GHRHR: variants seen among roughly 807,000 people sequenced by gnomAD.
The protein encoded by GHRHR is growth hormone releasing hormone receptor.
GHRHR carries 40 observed loss-of-function variants against 58.3 expected under a neutral mutation model. That is an observed-to-expected ratio of 0.69 (90% CI 0.53 to 0.89). The LOEUF is 0.89. GHRHR is among the 40% of genes least tolerant of loss of function. GHRHR has a pLI of 0.00. For synonymous variants in GHRHR, 249 were observed against 216.6 expected (o/e 1.15, Z -1.31); for missense variants, 551 against 541.3 (o/e 1.02, Z -0.18).
At chr7:30,974,393 G>C (rs1456369214) in intron 7 of GHRHR, 36 bp from the exon 8 acceptor site, 1 of 1,490,682 alleles carries the variant, frequency 6.7e-7, no homozygotes, top group East Asian at 2.3e-5. Context: ...CAAGGATGCA[G>C]ACTCCCTCGC....
chr7:30,966,560 C>T (rs1446644262), intron 1 of GHRHR, among the ~76,000 whole-genome samples: 2 of 152,130 alleles, frequency 1.3e-5, no homozygotes, highest in South Asian at 4.1e-4. Context: ...GCTCCCTTGT[C>T]CCCAGGTCCA....
At chr7:30,974,279 AG>A (rs1271649426) in intron 7 of GHRHR, 141 bp downstream of exon 7, 1 of 1,159,248 alleles carries the variant, frequency 8.6e-7, no homozygotes, top group Non-Finnish European at 1.3e-6. Flanking sequence ...CAAGTGTTGG[AG>A]GGTGGGACCA....
intron 11 of GHRHR, among the ~76,000 whole-genome samples, chr7:30,977,076 C>T (rs774099840): frequency 4.6e-5 from 7 of 152,190 alleles, no homozygotes; most frequent in East Asian, 3.8e-4. Flanking sequence ...GCCAACAGTA[C>T]AGCCCTGGCA....
rs1792446139 is a variant in GHRHR at position 30,969,901 on chromosome 7, G to A, written c.303G>A (p.Trp101Ter). ...AVKRDCTITG[W>*]SEPFPPYPVA... The stretch of plus-strand genomic sequence containing the variant: ...AACGGGATTGTACTATCACTGGCTG[G>A]TCTGAGCCCTTTCCACCTTACCCTG... Residue 101 changes from tryptophan to a stop codon, truncating the protein, a stop_gained, in exon 4 of 13, where the codon TGG becomes TGA. Transcript: ENST00000326139. LOFTEE classifies it high-confidence loss of function. 1 of 1,608,504 alleles carries A rather than the reference G, an allele frequency of 6.2e-7. No homozygotes were observed. Among genetic ancestry groups the A allele is most frequent in the African/African-American group, 1.3e-5 (1 of 74,820 alleles).
At chr7:30,969,774 C>G in intron 3 of GHRHR, 93 bp from the exon 4 acceptor site, 2 of 1,251,484 alleles carry the variant, frequency 1.6e-6, no homozygotes, top group Non-Finnish European at 2.4e-6. Context: ...CCATGCAAAC[C>G]CTGCCAGGGT....
At chr7:30,973,857 C>A in intron 6 of GHRHR, 128 bp from the exon 7 acceptor site, 1 of 893,014 alleles carries the variant, frequency 1.1e-6, no homozygotes, top group Non-Finnish European at 1.8e-6. Flanking sequence ...TTGGGTGGCC[C>A]AAGGAGCTGC....
At position 30,974,473 on chromosome 7, in the gene GHRHR, G is replaced by A. The variant is rs140869993; in HGVS notation, c.796G>A (p.Ala266Thr). ...TGGCACGTGGGTGAGCTGCAAACTGGCCTTCGAGGACATCGCGTGAGTCGG... is the reference window on the plus strand; with the variant it reads ...TGGCACGTGGGTGAGCTGCAAACTGACCTTCGAGGACATCGCGTGAGTCGG... Reference protein sequence around the residue: ...FTGTWVSCKLAFEDIACWDLD... With the variant: ...FTGTWVSCKLTFEDIACWDLD... Residue 266 changes from alanine (A) to threonine (T), a missense_variant, in exon 8 of 13, where the codon GCC becomes ACC. Transcript: ENST00000326139. The A allele has an allele frequency of 6.8e-6, 11 of 1,612,688 alleles. No homozygotes were observed. Among genetic ancestry groups the A allele is most frequent in the Admixed American group, 1.7e-5 (1 of 60,010 alleles).
intron 10 of GHRHR, 57 bp downstream of exon 10, chr7:30,975,925 T>A: frequency 1.0e-6 from 1 of 956,402 alleles, no homozygotes; most frequent in South Asian, 1.3e-5. Flanking sequence ...GGGGATTCAA[T>A]GTGTCTGTCT....
intron 1 of GHRHR, among the ~76,000 whole-genome samples, chr7:30,964,534 T>C (rs1400951519): frequency 6.6e-6 from 1 of 152,218 alleles, no homozygotes; most frequent in African/African-American, 2.4e-5. Context: ...GCACCTGTGA[T>C]GCTTCCACAC....
At chr7:30,969,440 G>C in intron 3 of GHRHR, 1 of 594,490 alleles carries the variant, frequency 1.7e-6, no homozygotes, top group African/African-American at 1.9e-5. Context: ...GCAGAAGCCT[G>C]GCTGCAAGGG....
In GHRHR at chr7:30,963,974, G is replaced by T; in HGVS notation, c.-95G>T. ...AGCCACCTGAGAAGGGGAAGCAGAGGGTGCGGTGGAAACGGCTGTGTCAGG... is the reference window on the plus strand; with the variant it reads ...AGCCACCTGAGAAGGGGAAGCAGAGTGTGCGGTGGAAACGGCTGTGTCAGG... On this transcript the variant is annotated 5_prime_UTR_variant, in exon 1 of 13. Transcript: ENST00000326139. 2.6e-6 allele frequency: 3 copies of T among 1,143,030 alleles called. No individual in the cohort carries two copies. Among genetic ancestry groups the T allele is most frequent in the South Asian group, 1.3e-5 (1 of 76,276 alleles). 70.8% of individuals were successfully genotyped at this position (1,143,030 alleles called of 1,614,324 possible).
chr7:30,966,650 T>TC (rs933705431), intron 1 of GHRHR, among the ~76,000 whole-genome samples: 2 of 151,556 alleles, frequency 1.3e-5, no homozygotes, highest in African/African-American at 4.9e-5. Flanking sequence ...TTGTTTTTTT[T>TC]TTGTTTTTCT....
At chr7:30,973,891 G>C in intron 6 of GHRHR, 94 bp from the exon 7 acceptor site, 2 of 1,261,714 alleles carry the variant, frequency 1.6e-6, no homozygotes, top group Non-Finnish European at 2.3e-6. Flanking sequence ...ACATGGAGGG[G>C]CCTGGAGGTT....
chr7:30,970,145 T>C (rs1479020666), intron 4 of GHRHR, among the ~76,000 whole-genome samples, 181 bp downstream of exon 4: 1 of 152,068 alleles, frequency 6.6e-6, no homozygotes, highest in Non-Finnish European at 1.5e-5. Context: ...TACTGAAGGG[T>C]GACCCACGGG....
At chr7:30,973,800 A>T (rs371676226) in intron 6 of GHRHR, among the ~76,000 whole-genome samples, 185 bp from the exon 7 acceptor site, 1 of 152,318 alleles carries the variant, frequency 6.6e-6, no homozygotes, top group African/African-American at 2.4e-5. Flanking sequence ...CTGTCTAGAT[A>T]CCAAATCTGT....
intron 8 of GHRHR, 70 bp from the exon 9 acceptor site, chr7:30,974,901 A>C: frequency 2.0e-6 from 2 of 979,894 alleles, no homozygotes; most frequent in Non-Finnish European, 1.7e-6. Flanking sequence ...TGAATGCCTG[A>C]GAGGGAGGTG....
intron 12 of GHRHR, 36 bp downstream of exon 12, chr7:30,977,358 C>G: frequency 6.3e-7 from 1 of 1,595,178 alleles, no homozygotes. Flanking sequence ...CATGGAGTCC[C>G]CCTCCCACCA....
chr7:30,969,869 G>A lies in GHRHR; in HGVS notation c.271G>A (p.Ala91Thr), dbSNP rs934536057. ...FFSHFSSESG[A>T]VKRDCTITGW... ...AGAGAGTCTTGCTTGCCTCCCAGGG[G>A]CTGTGAAACGGGATTGTACTATCAC... The change falls in exon 4 of 13, where the codon GCT (alanine) becomes ACT (threonine). Residue 91 changes from alanine to threonine, a missense_variant and splice_region_variant. By Grantham distance (58) the Ala-to-Thr change is moderately conservative (BLOSUM62 0). Transcript: ENST00000326139. The A allele has an allele frequency of 6.2e-7, 1 of 1,613,690 alleles. No individual in the cohort carries two copies. Among genetic ancestry groups the A allele is most frequent in the Admixed American group, 1.7e-5 (1 of 60,030 alleles).
At chr7:30,972,125 G>C in intron 6 of GHRHR, 30 bp downstream of exon 6, 1 of 1,612,452 alleles carries the variant, frequency 6.2e-7, no homozygotes, top group Non-Finnish European at 8.5e-7. Context: ...GGGCTGGGCA[G>C]GTGGGGGAGA....
Sources: gnomAD v4.1 joint callset for allele counts (sites outside exome capture counted in the v4.1 genomes callset) on GRCh38, gnomAD v4.1.1 for gene constraint, MANE v1.5 for transcripts, NCBI Gene and HGNC (gene_info 2026-07-23, HGNC 2026-07-21) for gene names.